Variants in B4GALT5 observed in about 807,000 individuals in gnomAD.
B4GALT5 encodes the protein UDP-Gal:beta-GlcNAc beta-1,4-galactosyltransferase 5.
In B4GALT5, 11 loss-of-function variants were observed where a neutral mutation model predicts 45.0. The ratio of observed to expected loss-of-function variants is 0.24; its 90% confidence interval spans 0.15 to 0.40. B4GALT5 has a LOEUF of 0.40. B4GALT5 is among the 10% of genes least tolerant of loss of function. The pLI is 1.00. For missense variants in B4GALT5, 337 were observed against 500.2 expected (o/e 0.67, Z 3.11); for synonymous variants, 185 against 182.9 (o/e 1.01, Z -0.09).
At chr20:49,648,730 T>C (rs1237485615) in intron 2 of B4GALT5, among the ~76,000 whole-genome samples, 2 of 152,178 alleles carry the variant, frequency 1.3e-5, no homozygotes, top group African/African-American at 4.8e-5. Flanking sequence ...ATGGCAGATG[T>C]CTTTTTCCTA....
At chr20:49,640,285 C>T (rs997974966) in intron 6 of B4GALT5, among the ~76,000 whole-genome samples, 193 bp downstream of exon 6, 1 of 152,168 alleles carries the variant, frequency 6.6e-6, no homozygotes, top group African/African-American at 2.4e-5. Context: ...GAAGTTCATC[C>T]GTGTTTTGGC....
rs373396789 is a variant in B4GALT5, at chr20:49,713,595, G to A, written c.96C>T (p.Val32=). 3.8e-6 allele frequency: 6 copies of A among 1,590,202 alleles called. No individual in the cohort carries two copies. Among genetic ancestry groups the A allele is most frequent in the Middle Eastern group, 1.7e-4 (1 of 6,040 alleles). Residue 32 remains valine (V), a synonymous_variant, in exon 1 of 9, where the codon GTC becomes GTT. Transcript: ENST00000371711. Reference sequence around the variant, plus strand: ...TCCTACCTATGCCGGGCGCCACATAGACGAAGTACAGCAGCGAGGACGAGA... The same window carrying A: ...TCCTACCTATGCCGGGCGCCACATAAACGAAGTACAGCAGCGAGGACGAGA... ...FSLSSSLLYF[V]YVAPGIVNTY...
intron 1 of B4GALT5, among the ~76,000 whole-genome samples, chr20:49,679,504 T>TA (rs397953588): frequency 0.14 from 19,644 of 141,786 alleles, 1,331 homozygotes; most frequent in South Asian, 0.2. Flanking sequence ...CCGTCTCTAC[T>TA]AAAAAAAAAA....
rs143395388 is a variant in B4GALT5 at position 49,653,432 on chromosome 20, T to C, written c.250+3136A>G. ...CTTGTTAAATTCATTCCTTCATGCA[T>C]ACAAAAATAACTTACCAAGTGCTTC... is the stretch of plus-strand genomic sequence containing the variant. On this transcript the variant is annotated intron_variant, in intron 2 of 8. Transcript: ENST00000371711. Among the ~76,000 whole-genome samples, 6 of 152,352 alleles carry C rather than the reference T, an allele frequency of 3.9e-5. No homozygotes were observed. In the East Asian group the frequency reaches 9.6e-4, roughly 24 times the overall value.
chr20:49,663,457 T>C (rs942949813), intron 1 of B4GALT5, among the ~76,000 whole-genome samples: 6 of 148,024 alleles, frequency 4.1e-5, no homozygotes, highest in African/African-American at 1.3e-4. Flanking sequence ...AAAAAAAACA[T>C]AGGAAGAGTA....
chr20:49,643,476 C>T, intron 4 of B4GALT5, 50 bp downstream of exon 4: 1 of 1,604,098 alleles, frequency 6.2e-7, no homozygotes, highest in South Asian at 1.1e-5. Flanking sequence ...GGACCAAAGG[C>T]AAACCCCAGG....
chr20:49,670,722 G>A (rs1252939842), intron 1 of B4GALT5, among the ~76,000 whole-genome samples: 1 of 152,142 alleles, frequency 6.6e-6, no homozygotes, highest in Non-Finnish European at 1.5e-5. Flanking sequence ...TCAAAAGACT[G>A]ATACCTGTTC....
In B4GALT5 at chr20:49,633,799, A is replaced by G. The variant is rs1331629433; in HGVS notation, c.*2513T>C. Reference sequence around the variant, plus strand: ...CATACGGCACCCAGGACTCAGAATCAGTCTGTCCTGGCAAATCCTTCCAAA... The same window carrying G: ...CATACGGCACCCAGGACTCAGAATCGGTCTGTCCTGGCAAATCCTTCCAAA... On this transcript the variant is annotated 3_prime_UTR_variant, in exon 9 of 9. Coordinates refer to ENST00000371711, the MANE Select transcript of B4GALT5 (RefSeq NM_004776.4). 1 of 152,574 alleles carries G rather than the reference A, an allele frequency of 6.6e-6. No individual in the cohort carries two copies. Among genetic ancestry groups the G allele is most frequent in the Admixed American group, 6.5e-5 (1 of 15,278 alleles). 9.5% of individuals were successfully genotyped at this position (152,574 alleles called of 1,614,324 possible). A position where few individuals can be genotyped will look rare whatever the true frequency, so the allele number is the denominator to read the frequency against.
chr20:49,657,607 A>T (rs748836758), intron 1 of B4GALT5, among the ~76,000 whole-genome samples: 1 of 152,110 alleles, frequency 6.6e-6, no homozygotes, highest in South Asian at 2.1e-4. Flanking sequence ...TGAAAGGGGG[A>T]TGTGTTACAG....
intron 1 of B4GALT5, among the ~76,000 whole-genome samples, chr20:49,684,963 G>C (rs1776615668): frequency 1.3e-5 from 2 of 152,174 alleles, no homozygotes; most frequent in Non-Finnish European, 2.9e-5. Context: ...TTTCAGTTTA[G>C]AGTAATTTTA....
At chr20:49,673,738 A>AT (rs1315598848) in intron 1 of B4GALT5, among the ~76,000 whole-genome samples, 2 of 152,132 alleles carry the variant, frequency 1.3e-5, no homozygotes, top group South Asian at 2.1e-4. Context: ...GGAGAATGTC[A>AT]TTTTTTAAAG....
chr20:49,697,049 T>C (rs2085842166), intron 1 of B4GALT5, among the ~76,000 whole-genome samples: 1 of 152,284 alleles, frequency 6.6e-6, no homozygotes, highest in Non-Finnish European at 1.5e-5. Flanking sequence ...TGAGGAATGT[T>C]ACTATTCACA....
At chr20:49,698,510 T>G (rs1453790229) in intron 1 of B4GALT5, among the ~76,000 whole-genome samples, 1 of 152,112 alleles carries the variant, frequency 6.6e-6, no homozygotes, top group Admixed American at 6.5e-5. Context: ...TCTAATACTT[T>G]AAACCAGAAT....
chr20:49,670,231 T>C (rs1448633073), intron 1 of B4GALT5, among the ~76,000 whole-genome samples: 1 of 152,218 alleles, frequency 6.6e-6, no homozygotes, highest in Non-Finnish European at 1.5e-5. Context: ...GTATAATATT[T>C]AGCATAGACT....
intron 1 of B4GALT5, among the ~76,000 whole-genome samples, chr20:49,708,511 C>A (rs1052182426): frequency 6.6e-6 from 1 of 152,124 alleles, no homozygotes; most frequent in South Asian, 2.1e-4. Context: ...ATTACTGGCT[C>A]CTGCCTTCCA....
chr20:49,653,194 G>A (rs1376320943), intron 2 of B4GALT5, among the ~76,000 whole-genome samples: 1 of 152,124 alleles, frequency 6.6e-6, no homozygotes, highest in Non-Finnish European at 1.5e-5. Context: ...CTAAAAATCC[G>A]AAATCTGCAA....
At chr20:49,694,214 G>A (rs1486007372) in intron 1 of B4GALT5, among the ~76,000 whole-genome samples, 1 of 152,110 alleles carries the variant, frequency 6.6e-6, no homozygotes, top group African/African-American at 2.4e-5. Context: ...GTATAGAGAG[G>A]CGATGTGCCT....
At chr20:49,681,111 G>A (rs542972195) in intron 1 of B4GALT5, among the ~76,000 whole-genome samples, 1 of 151,084 alleles carries the variant, frequency 6.6e-6, no homozygotes, top group East Asian at 2.0e-4. Flanking sequence ...AGCTACTCAG[G>A]AGGCTGAGGC....
chr20:49,677,610 T>C (rs759331865), intron 1 of B4GALT5, among the ~76,000 whole-genome samples: 2 of 152,220 alleles, frequency 1.3e-5, no homozygotes, highest in Non-Finnish European at 2.9e-5. Context: ...AGAGTGGAAA[T>C]TGAGTTTTTC....
Sources: allele counts gnomAD v4.1 joint callset (sites outside exome capture counted in the v4.1 genomes callset), GRCh38; gene constraint gnomAD v4.1.1; transcripts MANE v1.5; gene names NCBI Gene and HGNC (gene_info 2026-07-23, HGNC 2026-07-21).